SIPA1L1: variants seen among roughly 807,000 people sequenced by gnomAD.
SIPA1L1 encodes signal induced proliferation associated 1 like 1.
SIPA1L1 carries 26 observed loss-of-function variants against 162.7 expected under a neutral mutation model. The ratio of observed to expected loss-of-function variants is 0.16; its 90% confidence interval spans 0.12 to 0.22. The LOEUF (loss-of-function observed/expected upper bound fraction) is 0.22. SIPA1L1 is among the 10% of genes least tolerant of loss of function. SIPA1L1 has a pLI of 1.00. For missense variants in SIPA1L1, 1,874 were observed against 2,241.0 expected (o/e 0.84, Z 3.31); for synonymous variants, 829 against 837.4 (o/e 0.99, Z 0.17).
chr14:71,413,091 A>G (rs1205711743), intron 2 of SIPA1L1, among the ~76,000 whole-genome samples: 3 of 152,212 alleles, frequency 2.0e-5, no homozygotes, highest in Admixed American at 6.5e-5. Flanking sequence ...TGTCCTGTGC[A>G]TTGTAAGATG....
intron 2 of SIPA1L1, among the ~76,000 whole-genome samples, chr14:71,417,781 T>C (rs549844620): frequency 6.6e-6 from 1 of 152,292 alleles, no homozygotes; most frequent in Non-Finnish European, 1.5e-5. Flanking sequence ...TAGACAGTTT[T>C]ATTTTCTAAA....
intron 2 of SIPA1L1, among the ~76,000 whole-genome samples, chr14:71,476,340 G>A (rs2047847424): frequency 6.6e-6 from 1 of 152,320 alleles, no homozygotes; most frequent in Admixed American, 6.5e-5. Context: ...AAGCCAAATG[G>A]CAAGAACTGT....
At chr14:71,599,417 G>T (rs2036461566) in intron 5 of SIPA1L1, among the ~76,000 whole-genome samples, 1 of 149,204 alleles carries the variant, frequency 6.7e-6, no homozygotes, top group South Asian at 2.1e-4. Context: ...CTCGCAAAGT[G>T]CTGAGATTAC....
At chr14:71,510,567 T>A (rs925135602) in intron 2 of SIPA1L1, among the ~76,000 whole-genome samples, 1 of 152,118 alleles carries the variant, frequency 6.6e-6, no homozygotes, top group Non-Finnish European at 1.5e-5. Context: ...GCTCATAAGA[T>A]TATCTGGCAT....
intron 2 of SIPA1L1, among the ~76,000 whole-genome samples, chr14:71,403,599 C>CAAAAAAAAAAAAAAAAAAA: frequency 1.4e-5 from 1 of 69,298 alleles, no homozygotes; most frequent in Non-Finnish European, 2.8e-5. Flanking sequence ...GACTCTGTCT[C>CAAAAAAAAAAAAAAAAAAA]AAAAAAAAAA....
chr14:71,478,687 T>A (rs1169755689), intron 2 of SIPA1L1, among the ~76,000 whole-genome samples: 1 of 152,202 alleles, frequency 6.6e-6, no homozygotes, highest in African/African-American at 2.4e-5. Flanking sequence ...TCTCCATGAC[T>A]TCCTCCTTCC....
Position 71,738,267 on chromosome 14 carries a change from C to G in SIPA1L1, c.5150C>G (p.Ala1717Gly). ...AGTAAAGACTCCTCTCCCACTCTGG[C>G]TTCTAAAGTGGACCAGCTGGAAGGT... ...SSSKDSSPTL[A>G]SKVDQLEGML... The change falls in exon 23 of 24, where the codon GCT (alanine) becomes GGT (glycine). Residue 1717 changes from alanine to glycine, a missense_variant. Physicochemically the swap from Ala to Gly is moderately conservative, Grantham distance 60. Coordinates refer to ENST00000381232, the MANE Select transcript of SIPA1L1 (RefSeq NM_001386936.1). The G allele has an allele frequency of 6.2e-7, 1 of 1,612,698 alleles. No homozygotes were observed. Among genetic ancestry groups the G allele is most frequent in the Non-Finnish European group, 8.5e-7 (1 of 1,179,402 alleles).
At position 71,671,977 on chromosome 14, in the gene SIPA1L1, G is replaced by A. The variant is rs534770269; in HGVS notation, c.2829+285G>A. On this transcript the variant is annotated intron_variant, in intron 11 of 23. Coordinates refer to ENST00000381232, the MANE Select transcript of SIPA1L1 (RefSeq NM_001386936.1). ...TTCAAAACCCATTTGCATGTGACCT[G>A]TTCCCTGGTGCTGCAGTCCAGTCAT... 2.7e-3 allele frequency among the ~76,000 whole-genome samples: 408 copies of A among 151,166 alleles called. 5 individuals carry two copies. In the South Asian group the frequency reaches 0.031, roughly 11 times the overall value.
At chr14:71,504,764 C>A (rs1243104572) in intron 2 of SIPA1L1, among the ~76,000 whole-genome samples, 1 of 152,180 alleles carries the variant, frequency 6.6e-6, no homozygotes, top group African/African-American at 2.4e-5. Context: ...TCCAAACATT[C>A]CTTGCTCTAA....
At chr14:71,602,397 T>A (rs1402730942) in intron 5 of SIPA1L1, among the ~76,000 whole-genome samples, 2 of 152,220 alleles carry the variant, frequency 1.3e-5, no homozygotes, top group African/African-American at 2.4e-5. Context: ...GGTTTCTAGT[T>A]TTATTTCATT....
chr14:71,645,988 C>G (rs2042121898), intron 7 of SIPA1L1, among the ~76,000 whole-genome samples: 1 of 152,102 alleles, frequency 6.6e-6, no homozygotes, highest in African/African-American at 2.4e-5. Context: ...ATCGTTTGTT[C>G]TACCCCAGTG....
At chr14:71,729,819 C>A (rs150098723) in intron 19 of SIPA1L1, among the ~76,000 whole-genome samples, 206 of 152,336 alleles carry the variant, frequency 1.4e-3, no homozygotes, top group Non-Finnish European at 2.4e-3. Flanking sequence ...TAATCACATA[C>A]CTGAATCACA....
At chr14:71,702,264 C>T in intron 14 of SIPA1L1, 117 bp from the exon 15 acceptor site, 2 of 1,095,330 alleles carry the variant, frequency 1.8e-6, no homozygotes, top group South Asian at 1.5e-5. Context: ...AGTACAGACA[C>T]ATAAGCAAAA....
chr14:71,602,356 T>G (rs1312739919), intron 5 of SIPA1L1, among the ~76,000 whole-genome samples: 1 of 152,212 alleles, frequency 6.6e-6, no homozygotes, highest in East Asian at 1.9e-4. Flanking sequence ...TTCTATTTAT[T>G]TTTACAGTTT....
chr14:71,528,668 A>G (rs2053136029), intron 3 of SIPA1L1: 1 of 152,098 alleles, frequency 6.6e-6, no homozygotes, highest in Admixed American at 6.6e-5. Flanking sequence ...GAGAAAAATA[A>G]TAATTCTATT....
At chr14:71,683,015 G>A (rs768120128) in intron 12 of SIPA1L1, among the ~76,000 whole-genome samples, 4 of 152,160 alleles carry the variant, frequency 2.6e-5, no homozygotes, top group Non-Finnish European at 4.4e-5. Context: ...TTAGCTGAGC[G>A]TGGCAGTGCA....
At chr14:71,574,717 A>AGG (rs2032708254) in intron 4 of SIPA1L1, 1 of 151,784 alleles carries the variant, frequency 6.6e-6, no homozygotes, top group Non-Finnish European at 1.5e-5. Flanking sequence ...AAAAAAAAAA[A>AGG]AAGACTTCCT....
intron 12 of SIPA1L1, among the ~76,000 whole-genome samples, chr14:71,684,386 T>C (rs896166905): frequency 2.0e-5 from 3 of 152,190 alleles, no homozygotes; most frequent in African/African-American, 7.2e-5. Context: ...TTGCCCCCCA[T>C]CTCCATGTCT....
At chr14:71,722,770 C>G (rs1321174209) in intron 17 of SIPA1L1, among the ~76,000 whole-genome samples, 4 of 152,202 alleles carry the variant, frequency 2.6e-5, no homozygotes, top group Non-Finnish European at 5.9e-5. Context: ...GAGTCTCACT[C>G]TGTCACCTAG....
Sources: allele counts gnomAD v4.1 joint callset (sites outside exome capture counted in the v4.1 genomes callset), GRCh38; gene constraint gnomAD v4.1.1; transcripts MANE v1.5; gene names NCBI Gene and HGNC (gene_info 2026-07-23, HGNC 2026-07-21).